The following MAPK4 variants were observed in gnomAD, a reference collection of about 807,000 sequenced individuals.
The protein encoded by MAPK4 is Erk3-related.
Under a neutral mutation model 47.7 loss-of-function variants are expected in MAPK4, and 22 were observed. That is an observed-to-expected ratio of 0.46 (90% confidence interval 0.33 to 0.66). The LOEUF (loss-of-function observed/expected upper bound fraction) is 0.66. Ranked by LOEUF, MAPK4 falls within the 30% of genes least tolerant of loss-of-function variation. MAPK4 has a pLI of 0.02. For missense variants in MAPK4, 736 were observed against 831.7 expected (o/e 0.88, Z 1.42); for synonymous variants, 390 against 365.7 (o/e 1.07, Z -0.76).
intron 1 of MAPK4, among the ~76,000 whole-genome samples, chr18:50,642,662 G>T (rs1194364440): frequency 6.6e-6 from 1 of 152,172 alleles, no homozygotes; most frequent in Non-Finnish European, 1.5e-5. Context: ...CACTGCATGT[G>T]GAACCTGATA....
At chr18:50,711,759 ATATACT>A (rs1294532748) in intron 2 of MAPK4, among the ~76,000 whole-genome samples, 1 of 151,916 alleles carries the variant, frequency 6.6e-6, no homozygotes, top group Non-Finnish European at 1.5e-5. Flanking sequence ...TTTTGAGCCA[ATATACT>A]TATTGATTTA....
chr18:50,617,511 T>C (rs1294237110), intron 1 of MAPK4, among the ~76,000 whole-genome samples: 4 of 152,150 alleles, frequency 2.6e-5, no homozygotes, highest in Non-Finnish European at 5.9e-5. Context: ...CATTCTAGTT[T>C]GGTAAACCCT....
chr18:50,580,152 G>A (rs766001674), intron 1 of MAPK4, among the ~76,000 whole-genome samples: 11 of 152,170 alleles, frequency 7.2e-5, no homozygotes, highest in Non-Finnish European at 1.2e-4. Flanking sequence ...TTCAGTCTGT[G>A]GGGTTTCATC....
intron 1 of MAPK4, among the ~76,000 whole-genome samples, chr18:50,612,760 T>C (rs2042650228): frequency 6.6e-6 from 1 of 152,326 alleles, no homozygotes; most frequent in South Asian, 2.1e-4. Context: ...TTAAACATTG[T>C]GAAATGTCTT....
At chr18:50,619,231 A>G (rs2042710174) in intron 1 of MAPK4, among the ~76,000 whole-genome samples, 1 of 152,230 alleles carries the variant, frequency 6.6e-6, no homozygotes, top group South Asian at 2.1e-4. Flanking sequence ...AGGAAAAATT[A>G]AGTGATCAGC....
At chr18:50,595,047 G>T (rs962362886) in intron 1 of MAPK4, among the ~76,000 whole-genome samples, 5 of 152,192 alleles carry the variant, frequency 3.3e-5, no homozygotes, top group African/African-American at 1.2e-4. Flanking sequence ...AGAAAGACTG[G>T]CAACGCCGGA....
intron 2 of MAPK4, among the ~76,000 whole-genome samples, chr18:50,712,895 CA>C (rs1191713306): frequency 6.6e-6 from 1 of 152,172 alleles, no homozygotes; most frequent in Non-Finnish European, 1.5e-5. Flanking sequence ...AGAACCCACC[CA>C]CCTAAAAATG....
Position 50,724,019 on chromosome 18 carries a change from T to A in MAPK4, c.853+1920T>A, listed in dbSNP as rs540457608. Among the ~76,000 whole-genome samples the A allele has an allele frequency of 5.9e-5, 9 of 152,172 alleles. No homozygotes were observed. In the South Asian group the frequency reaches 1.9e-3, roughly 32 times the overall value. ...AGCAGCTTTGGGGTTGGTACTCGACTTTTTTTCTTTTGCGACAGGGTCTCA... is the reference window on the plus strand; with the variant it reads ...AGCAGCTTTGGGGTTGGTACTCGACATTTTTTCTTTTGCGACAGGGTCTCA... On this transcript the variant is annotated intron_variant, in intron 4 of 5. Coordinates refer to ENST00000400384, the MANE Select transcript of MAPK4 (RefSeq NM_002747.4).
chr18:50,654,468 C>T (rs1015619467), intron 1 of MAPK4, among the ~76,000 whole-genome samples: 4 of 152,218 alleles, frequency 2.6e-5, no homozygotes, highest in Admixed American at 6.5e-5. Flanking sequence ...CAAAGCAAGC[C>T]CCAAATAGGG....
At chr18:50,585,613 C>G (rs1370479) in intron 1 of MAPK4, among the ~76,000 whole-genome samples, 37,660 of 152,066 alleles carry the variant, frequency 0.25, 4,748 homozygotes, top group South Asian at 0.3. Flanking sequence ...GGGTACTATT[C>G]TAGCATCAAT....
chr18:50,603,348 G>A (rs920285616), intron 1 of MAPK4, among the ~76,000 whole-genome samples: 4 of 152,152 alleles, frequency 2.6e-5, no homozygotes, highest in African/African-American at 9.7e-5. Context: ...AGCCACTAAG[G>A]TACTTGGTTA....
chr18:50,623,818 A>G (rs1220960192), intron 1 of MAPK4, among the ~76,000 whole-genome samples: 1 of 152,178 alleles, frequency 6.6e-6, no homozygotes, highest in Non-Finnish European at 1.5e-5. Flanking sequence ...TGCTCTGTCC[A>G]CCTCTTCAAC....
At chr18:50,727,652 G>A (rs1384467418) in intron 5 of MAPK4, among the ~76,000 whole-genome samples, 1 of 152,070 alleles carries the variant, frequency 6.6e-6, no homozygotes, top group Non-Finnish European at 1.5e-5. Flanking sequence ...GTGGCATAGG[G>A]TTGTGCCAGG....
chr18:50,587,269 A>G (rs1483564054), intron 1 of MAPK4, among the ~76,000 whole-genome samples: 2 of 152,234 alleles, frequency 1.3e-5, no homozygotes, highest in African/African-American at 2.4e-5. Flanking sequence ...GAAAGGCCCA[A>G]GGTAGCTTGT....
intron 1 of MAPK4, among the ~76,000 whole-genome samples, chr18:50,621,720 C>G: frequency 6.6e-6 from 1 of 152,188 alleles, no homozygotes; most frequent in Admixed American, 6.5e-5. Flanking sequence ...AGGAGCAAAA[C>G]TTTTTTCCAG....
chr18:50,563,157 G>A lies in MAPK4; in HGVS notation c.-871+2914G>A, dbSNP rs186855112. Among the ~76,000 whole-genome samples, 28 of 152,204 alleles carry A rather than the reference G, an allele frequency of 1.8e-4. No individual in the cohort carries two copies. The East Asian group carries it at 5.2e-3, about 28-fold the overall frequency. On this transcript the variant is annotated intron_variant, in intron 1 of 5. Coordinates refer to ENST00000400384, the MANE Select transcript of MAPK4 (RefSeq NM_002747.4). ...GTAAGCCCGTTATGAAAGATACATA[G>A]AAAATATGGTAAGTATTAGATGAAT...
intron 2 of MAPK4, among the ~76,000 whole-genome samples, chr18:50,685,521 G>A (rs759105841): frequency 4.0e-4 from 61 of 152,322 alleles, no homozygotes; most frequent in Non-Finnish European, 6.3e-4. Context: ...ACAAGAACGC[G>A]TAGAGAAATG....
chr18:50,658,668 G>T (rs750174163), intron 1 of MAPK4, among the ~76,000 whole-genome samples: 1 of 152,358 alleles, frequency 6.6e-6, no homozygotes, highest in Non-Finnish European at 1.5e-5. Context: ...CAGAATTGCA[G>T]AACTAGAAGG....
chr18:50,683,453 G>GGTGTGT (rs3045776), intron 2 of MAPK4, among the ~76,000 whole-genome samples: 8,240 of 142,164 alleles, frequency 0.058, 249 homozygotes, highest in South Asian at 0.096. Flanking sequence ...TTGGTGATGG[G>GGTGTGT]GTGTGTGTGT....
Sources: gnomAD v4.1 joint callset for allele counts (sites outside exome capture counted in the v4.1 genomes callset) on GRCh38, gnomAD v4.1.1 for gene constraint, MANE v1.5 for transcripts, NCBI Gene and HGNC (gene_info 2026-07-23, HGNC 2026-07-21) for gene names.